Variants in DTX2 observed in about 807,000 individuals in gnomAD.
The protein encoded by DTX2 is deltex E3 ubiquitin ligase 2.
A neutral mutation model predicts 55.3 loss-of-function variants in DTX2; 29 were observed. The observed-to-expected ratio is 0.52, with a 90% CI of 0.39 to 0.71. DTX2 has a LOEUF of 0.71. Among genes scored for constraint, DTX2 ranks in the 30% least tolerant of loss-of-function variants. The probability of loss-of-function intolerance (pLI) is 0.00; values close to 1 mark genes in which losing one functional copy is unlikely to be tolerated. For missense variants in DTX2, 537 were observed against 822.5 expected (o/e 0.65, Z 4.25); for synonymous variants, 276 against 340.4 (o/e 0.81, Z 2.08).
At position 76,479,915 on chromosome 7, in the gene DTX2, G is replaced by A. The variant is rs375711612; in HGVS notation, c.-89-506G>A. 4.3e-3 allele frequency among the ~76,000 whole-genome samples: 648 copies of A among 150,818 alleles called. 3 individuals carry two copies. The highest frequency in any genetic ancestry group is 0.021 in the South Asian group (101 of 4,706). On this transcript the variant is annotated intron_variant, in intron 2 of 10. Transcript: ENST00000430490. The stretch of plus-strand genomic sequence containing the variant: ...TCTTCATGGGCCTGTGCGGCGGTAC[G>A]TAGGCTGCGGGATTGACTTTGAATT...
chr7:76,495,429 C>T (rs529899593), intron 5 of DTX2, among the ~76,000 whole-genome samples: 74 of 152,174 alleles, frequency 4.9e-4, no homozygotes, highest in Non-Finnish European at 9.1e-4. Flanking sequence ...TGTGGCCCTC[C>T]GAGTTATTCA....
chr7:76,495,806 GC>G (rs1810870814), intron 5 of DTX2, among the ~76,000 whole-genome samples: 1 of 151,722 alleles, frequency 6.6e-6, no homozygotes, highest in Non-Finnish European at 1.5e-5. Flanking sequence ...GGAGGGACAG[GC>G]CCCGTCAGGC....
chr7:76,495,991 C>T lies in DTX2; in HGVS notation c.1010-1346C>T, dbSNP rs187831133. 2.2e-3 allele frequency among the ~76,000 whole-genome samples: 234 copies of T among 106,350 alleles called. 12 individuals are homozygous for T. The highest frequency in any genetic ancestry group is 9.7e-3 in the African/African-American group (225 of 23,168). The allele number at this position is 106,350 out of a possible 152,430, so 69.8% of individuals were successfully genotyped here. A position where few individuals can be genotyped will look rare whatever the true frequency, so the allele number is the denominator to read the frequency against. ...CTCTCATCTCTCTGCCACCCGCGCC[C>T]GCTTGTCCTTCTCTCCACCCGACAT... On this transcript the variant is annotated intron_variant, in intron 5 of 10. Coordinates refer to ENST00000430490, the MANE Select transcript of DTX2 (RefSeq NM_001102594.3).
At chr7:76,497,044 C>T (rs1389133791) in intron 5 of DTX2, among the ~76,000 whole-genome samples, 2 of 127,116 alleles carry the variant, frequency 1.6e-5, no homozygotes, top group Non-Finnish European at 3.3e-5. Flanking sequence ...CGTCCTCCGC[C>T]CTCTGCTCTC....
At chr7:76,503,011 G>A (rs1040484823) in intron 8 of DTX2, 1 of 230,678 alleles carries the variant, frequency 4.3e-6, no homozygotes, top group Non-Finnish European at 8.5e-6. Context: ...GATGGGCAGA[G>A]TTTAGAGGCT....
At chr7:76,498,804 AGGTGTGG>A (rs1233469323) in intron 6 of DTX2, among the ~76,000 whole-genome samples, 8 of 115,524 alleles carry the variant, frequency 6.9e-5, no homozygotes, top group South Asian at 5.8e-4. Flanking sequence ...GGGTGTGTGG[AGGTGTGG>A]GGTGTGTGGG....
At position 76,483,162 on chromosome 7, in the gene DTX2, G is replaced by A. The variant is rs1303423181; in HGVS notation, c.908+15G>A. 12 of 1,603,936 alleles carry A rather than the reference G, an allele frequency of 7.5e-6. No homozygotes were observed. In the East Asian group the frequency reaches 8.9e-5, roughly 12 times the overall value. On this transcript the variant is annotated intron_variant, in intron 4 of 10. Transcript: ENST00000430490. ...GGTGCAGTCAGGTATCGTGGGCAAC[G>A]GCCGCTCGTTTTGTCTGCCCTGTGT...
In DTX2 at chr7:76,482,869, G is replaced by T; in HGVS notation, c.630G>T (p.Val210=). Residue 210 remains valine, a synonymous_variant, in exon 4 of 11, where the codon GTG becomes GTT. Transcript: ENST00000430490. ...QCLSGSRTGP[V]SGRYRHSMTN... ...TCAGTGGCAGCAGAACTGGCCCCGT[G>T]TCAGGCCGCTACCGCCACTCCATGA... 6.2e-7 allele frequency: 1 copy of T among 1,613,774 alleles called. No homozygotes were observed. Among genetic ancestry groups the T allele is most frequent in the South Asian group, 1.1e-5 (1 of 91,080 alleles).
intron 5 of DTX2, among the ~76,000 whole-genome samples, chr7:76,495,336 T>G (rs1261059313): frequency 6.8e-6 from 1 of 147,708 alleles, no homozygotes; most frequent in Non-Finnish European, 1.5e-5. Context: ...GTCTGCAAAT[T>G]GGAAGTGAGA....
At chr7:76,498,757 G>C (rs1185617108) in intron 6 of DTX2, among the ~76,000 whole-genome samples, 2 of 67,184 alleles carry the variant, frequency 3.0e-5, no homozygotes, top group Non-Finnish European at 5.3e-5. Context: ...TGGCGTTCTC[G>C]CCACCGTGAC....
At chr7:76,499,140 A>T (rs1277478302) in intron 6 of DTX2, among the ~76,000 whole-genome samples, 1 of 1,442 alleles carries the variant, frequency 6.9e-4, no homozygotes, top group Non-Finnish European at 1.1e-3. Context: ...ATGGAGGTGT[A>T]GGGTGTGAGG....
At chr7:76,503,326 G>A (rs1032871302) in intron 8 of DTX2, 100 bp from the exon 9 acceptor site, 2 of 1,371,068 alleles carry the variant, frequency 1.5e-6, no homozygotes, top group Non-Finnish European at 2.0e-6. Flanking sequence ...TGGGATGGTG[G>A]CCAGCCCATT....
At chr7:76,486,955 G>A (rs1404089754) in intron 4 of DTX2, among the ~76,000 whole-genome samples, 1 of 139,822 alleles carries the variant, frequency 7.2e-6, no homozygotes, top group African/African-American at 2.6e-5. Context: ...TGTGGGATTG[G>A]AGTCATGGGG....
chr7:76,480,177 T>C (rs547143607), intron 2 of DTX2, among the ~76,000 whole-genome samples: 178 of 143,576 alleles, frequency 1.2e-3, no homozygotes, highest in Non-Finnish European at 2.3e-3. Flanking sequence ...TGGTGGTGAA[T>C]GCCTATTGTC....
intron 2 of DTX2, among the ~76,000 whole-genome samples, chr7:76,464,647 T>G (rs1231530288): frequency 1.3e-5 from 2 of 152,108 alleles, no homozygotes; most frequent in Non-Finnish European, 2.9e-5. Context: ...TCCTCCCATC[T>G]CAGCCTCCCA....
intron 2 of DTX2, among the ~76,000 whole-genome samples, chr7:76,475,785 T>C (rs1296260755): frequency 8.2e-6 from 1 of 122,588 alleles, no homozygotes; most frequent in Non-Finnish European, 1.7e-5. Flanking sequence ...AATTTATTTT[T>C]ATGAGACAGG....
chr7:76,468,183 C>G (rs1807392377), intron 2 of DTX2, among the ~76,000 whole-genome samples: 1 of 152,280 alleles, frequency 6.6e-6, no homozygotes, highest in Non-Finnish European at 1.5e-5. Flanking sequence ...GGGGCGGGTG[C>G]TGTTGGCATG....
rs970290122 is a variant in DTX2 at position 76,503,135 on chromosome 7, C to T, written c.1390-291C>T. ...ATCAGACGCTGCAAGGCTGTCTATCCGACTGCAAATGCGATTCACCCGTGG... is the reference window on the plus strand; with the variant it reads ...ATCAGACGCTGCAAGGCTGTCTATCTGACTGCAAATGCGATTCACCCGTGG... On this transcript the variant is annotated intron_variant, in intron 8 of 10. Coordinates refer to ENST00000430490, the MANE Select transcript of DTX2 (RefSeq NM_001102594.3). 9.3e-5 allele frequency: 45 copies of T among 486,396 alleles called. 1 individual carries two copies. The highest frequency in any genetic ancestry group is 7.1e-4 in the African/African-American group (37 of 51,816). The allele number at this position is 486,396 out of a possible 1,614,324, so 30.1% of individuals were successfully genotyped here. A position where few individuals can be genotyped will look rare whatever the true frequency, so the allele number is the denominator to read the frequency against.
At chr7:76,473,467 AGTTACCT>A (rs1405129429) in intron 2 of DTX2, among the ~76,000 whole-genome samples, 2 of 127,724 alleles carry the variant, frequency 1.6e-5, no homozygotes, top group South Asian at 3.1e-4. Flanking sequence ...AGGTTCTAGA[AGTTACCT>A]CCTCTCACTG....
Sources: gnomAD v4.1 joint callset for allele counts (sites outside exome capture counted in the v4.1 genomes callset) on GRCh38, gnomAD v4.1.1 for gene constraint, MANE v1.5 for transcripts, NCBI Gene and HGNC (gene_info 2026-07-23, HGNC 2026-07-21) for gene names.